The following ABI3BP variants were observed in gnomAD, a reference collection of about 807,000 sequenced individuals.
ABI3BP encodes the protein ABI family member 3 binding protein, also known as target of Nesh-SH3.
In ABI3BP, 216 loss-of-function variants were observed where a neutral mutation model predicts 268.6. That is an observed-to-expected ratio of 0.80 (90% CI 0.72 to 0.90). ABI3BP has a LOEUF of 0.90. ABI3BP is among the 40% of genes least tolerant of loss of function. The pLI is 0.00. For synonymous variants in ABI3BP, 730 were observed against 730.0 expected, an observed-to-expected ratio of 1.00 and a Z score of 0.00; for missense variants, 2,090 against 2,182.4, an observed-to-expected ratio of 0.96 and a Z score of 0.84.
chr3:100,752,526 A>G lies in ABI3BP; in HGVS notation c.5122+261T>C, dbSNP rs191938118. The G allele has an allele frequency of 1.5e-4, 50 of 334,666 alleles. No homozygotes were observed. In the East Asian group the frequency reaches 2.2e-3, roughly 15 times the overall value. 20.7% of individuals were successfully genotyped at this position (334,666 alleles called of 1,614,324 possible). ...GGTTGTAACAAAATGGAGTTTGACC[A>G]TGGTTAGTGAATGTACATTCCAGTT... On this transcript the variant is annotated intron_variant, in intron 66 of 67. Coordinates refer to ENST00000471714, the MANE Select transcript of ABI3BP (RefSeq NM_001375547.2).
intron 1 of ABI3BP, among the ~76,000 whole-genome samples, chr3:100,960,128 C>CA (rs2078482583): frequency 6.6e-6 from 1 of 151,844 alleles, no homozygotes; most frequent in Non-Finnish European, 1.5e-5. Context: ...AAAAGGTAGA[C>CA]AGTATGTATA....
At chr3:100,922,693 G>T (rs2060656784) in intron 2 of ABI3BP, among the ~76,000 whole-genome samples, 1 of 152,106 alleles carries the variant, frequency 6.6e-6, no homozygotes, top group Non-Finnish European at 1.5e-5. Context: ...CATAAAACCA[G>T]ATTCTCCCCT....
intron 4 of ABI3BP, among the ~76,000 whole-genome samples, chr3:100,895,152 G>T (rs2576384): frequency 0.4 from 60,571 of 151,292 alleles, 12,989 homozygotes; most frequent in Non-Finnish European, 0.49. Flanking sequence ...GTTAAAAACA[G>T]TTGACTCTTC....
chr3:100,884,162 G>A (rs1327998930), intron 6 of ABI3BP, among the ~76,000 whole-genome samples: 1 of 151,726 alleles, frequency 6.6e-6, no homozygotes, highest in Non-Finnish European at 1.5e-5. Context: ...TTTGTTATAG[G>A]TAACCTTGTT....
In ABI3BP at chr3:100,834,741, G is replaced by A. The variant is rs547246874; in HGVS notation, c.2224C>T (p.Arg742Cys). ...PKTSQRTRTR[R>C]PRPKHKTTPR... is the part of the protein sequence containing the mutation. ...GTGGTTTTATGTTTGGGACGTGGACGACGTGTTCTTGTTCGTTGCGATGTT... is the reference window on the plus strand; with the variant it reads ...GTGGTTTTATGTTTGGGACGTGGACAACGTGTTCTTGTTCGTTGCGATGTT... Residue 742 changes from arginine (R) to cysteine (C), a missense_variant, in exon 29 of 68, where the codon CGT becomes TGT. By Grantham distance (180) the Arg-to-Cys change is radical. Transcript: ENST00000471714. 71 of 1,535,726 alleles carry A rather than the reference G, an allele frequency of 4.6e-5. No homozygotes were observed. The highest frequency in any genetic ancestry group is 2.1e-4 in the African/African-American group (15 of 73,136).
At chr3:100,844,098 G>C in intron 20 of ABI3BP, 1 of 982,936 alleles carries the variant, frequency 1.0e-6, no homozygotes, top group South Asian at 4.7e-5. Context: ...AGGTATTATA[G>C]GTAAAGGTAT....
At chr3:100,798,233 T>C (rs1197681956) in intron 51 of ABI3BP, among the ~76,000 whole-genome samples, 2 of 152,130 alleles carry the variant, frequency 1.3e-5, no homozygotes, top group East Asian at 1.9e-4. Flanking sequence ...GCTGCTAAAA[T>C]TGGCACTTTT....
At chr3:100,837,991 T>C (rs1329237083) in intron 26 of ABI3BP, among the ~76,000 whole-genome samples, 1 of 152,124 alleles carries the variant, frequency 6.6e-6, no homozygotes, top group Non-Finnish European at 1.5e-5. Context: ...TTTAAGAAAA[T>C]GAAATGCCAG....
At chr3:100,794,820 C>A in intron 54 of ABI3BP, 103 bp downstream of exon 54, 6 of 796,054 alleles carry the variant, frequency 7.5e-6, no homozygotes. Context: ...TTTAAATAAC[C>A]TATTATTTAG....
intron 8 of ABI3BP, among the ~76,000 whole-genome samples, 175 bp from the exon 9 acceptor site, chr3:100,875,108 T>G (rs1413179467): frequency 6.6e-6 from 1 of 152,220 alleles, no homozygotes; most frequent in Admixed American, 6.5e-5. Context: ...CTAAATAGAA[T>G]ATTTTTCATA....
At chr3:100,991,394 T>C (rs2092893235) in intron 1 of ABI3BP, among the ~76,000 whole-genome samples, 4 of 152,324 alleles carry the variant, frequency 2.6e-5, no homozygotes, top group Admixed American at 2.6e-4. Flanking sequence ...AAAAGAGGAT[T>C]CTTAGTCAAA....
rs372049257 is a variant in ABI3BP at position 100,864,777 on chromosome 3, A to C, written c.1063+56T>G. ...AGGTTTCTTTTCTGTGAGTCCTGGG[A>C]GTTATTTCGTTGTTACTTTTGTTTT... is the stretch of plus-strand genomic sequence containing the variant. On this transcript the variant is annotated intron_variant, in intron 11 of 67. Coordinates refer to ENST00000471714, the MANE Select transcript of ABI3BP (RefSeq NM_001375547.2). The C allele has an allele frequency of 2.4e-4, 319 of 1,319,388 alleles. 1 individual carries two copies. The African/African-American group carries it at 4.3e-3, about 18-fold the overall frequency. 81.7% of individuals were successfully genotyped at this position (1,319,388 alleles called of 1,614,324 possible).
At chr3:100,798,316 GGAAA>G (rs1338475186) in intron 51 of ABI3BP, among the ~76,000 whole-genome samples, 1 of 152,080 alleles carries the variant, frequency 6.6e-6, no homozygotes, top group Non-Finnish European at 1.5e-5. Context: ...TCAGTGGAAA[GGAAA>G]GAAATAGAAA....
intron 1 of ABI3BP, among the ~76,000 whole-genome samples, chr3:100,959,567 T>C (rs576051726): frequency 6.6e-6 from 1 of 150,680 alleles, no homozygotes; most frequent in South Asian, 2.1e-4. Context: ...CCCTATCAAT[T>C]GGCTAATAAT....
intron 61 of ABI3BP, among the ~76,000 whole-genome samples, chr3:100,772,032 A>G (rs980516736): frequency 6.6e-6 from 1 of 152,250 alleles, no homozygotes; most frequent in African/African-American, 2.4e-5. Context: ...TGTTGTATAC[A>G]GAACAACAAA....
Position 100,834,166 on chromosome 3 carries a change from G to A in ABI3BP, c.2281+518C>T, listed in dbSNP as rs748881236. Among the ~76,000 whole-genome samples, 51 of 152,098 alleles carry A rather than the reference G, an allele frequency of 3.4e-4. 1 individual carries two copies. Among genetic ancestry groups the A allele is most frequent in the Non-Finnish European group, 8.8e-5 (6 of 68,026 alleles). On this transcript the variant is annotated intron_variant, in intron 29 of 67. Coordinates refer to ENST00000471714, the MANE Select transcript of ABI3BP (RefSeq NM_001375547.2). ...TTCTTAAATTTTTTGTAGAAATGGAGTTCTCCCTAAAGGTTCACATTACAC... is the reference window on the plus strand; with the variant it reads ...TTCTTAAATTTTTTGTAGAAATGGAATTCTCCCTAAAGGTTCACATTACAC...
Position 100,825,730 on chromosome 3 carries a change from T to C in ABI3BP, c.2662+55A>G, listed in dbSNP as rs1016524901. The C allele has an allele frequency of 1.4e-5, 19 of 1,373,598 alleles. No homozygotes were observed. The Admixed American group carries it at 3.4e-4, about 24-fold the overall frequency. 85.1% of individuals were successfully genotyped at this position (1,373,598 alleles called of 1,614,324 possible). A position where few individuals can be genotyped will look rare whatever the true frequency, so the allele number is the denominator to read the frequency against. On this transcript the variant is annotated intron_variant, in intron 35 of 67. Transcript: ENST00000471714. ...ATAGGGATGAAGACTGAATGGACTG[T>C]ACAACAAGCAGCAAAAGCACTTGGC...
At chr3:100,834,133 G>T (rs1013796347) in intron 29 of ABI3BP, among the ~76,000 whole-genome samples, 1 of 152,066 alleles carries the variant, frequency 6.6e-6, no homozygotes, top group Non-Finnish European at 1.5e-5. Context: ...ACCATATCTG[G>T]CTAGTTTTTC....
intron 40 of ABI3BP, among the ~76,000 whole-genome samples, chr3:100,819,921 C>T (rs191665018): frequency 5.8e-4 from 79 of 135,976 alleles, no homozygotes; most frequent in Middle Eastern, 7.9e-3. Flanking sequence ...GCACTCCAGC[C>T]GGGGCAACAG....
Sources: allele counts gnomAD v4.1 joint callset (sites outside exome capture counted in the v4.1 genomes callset), GRCh38; gene constraint gnomAD v4.1.1; transcripts MANE v1.5; gene names NCBI Gene and HGNC (gene_info 2026-07-23, HGNC 2026-07-21).